The following SNX10 variants were observed in gnomAD, a reference collection of about 807,000 sequenced individuals.
The protein encoded by SNX10 is sorting nexin 10, also known as sorting nexin-10.
SNX10 carries 25 observed loss-of-function variants against 28.5 expected under a neutral mutation model. That is an observed-to-expected ratio of 0.88 (90% CI 0.64 to 1.22). The LOEUF (loss-of-function observed/expected upper bound fraction) is 1.22. Ranked by LOEUF, SNX10 falls within the 50% of genes most tolerant of loss-of-function variation. The pLI is 0.00. For missense variants in SNX10, 223 were observed against 242.6 expected, an observed-to-expected ratio of 0.92 and a Z score of 0.54; for synonymous variants, 62 against 81.4, an observed-to-expected ratio of 0.76 and a Z score of 1.28.
chr7:26,329,805 G>A (rs1007504444), intron 1 of SNX10, among the ~76,000 whole-genome samples: 1 of 152,186 alleles, frequency 6.6e-6, no homozygotes, highest in African/African-American at 2.4e-5. Flanking sequence ...AGTGGTGGGC[G>A]GCACAGGAGA....
intron 2 of SNX10, among the ~76,000 whole-genome samples, chr7:26,349,794 C>T (rs904091370): frequency 6.6e-5 from 10 of 152,140 alleles, no homozygotes; most frequent in African/African-American, 1.7e-4. Flanking sequence ...TTTTTATATT[C>T]GAATGTCCAG....
At chr7:26,338,139 CAG>C (rs1197884256) in intron 1 of SNX10, among the ~76,000 whole-genome samples, 1 of 128,956 alleles carries the variant, frequency 7.8e-6, no homozygotes, top group Non-Finnish European at 1.6e-5. Flanking sequence ...TTCTGTGAGA[CAG>C]AGTCTTACTC....
At chr7:26,336,238 C>T (rs73283397) in intron 1 of SNX10, among the ~76,000 whole-genome samples, 3,892 of 151,968 alleles carry the variant, frequency 0.026, 149 homozygotes, top group African/African-American at 0.089. Flanking sequence ...TAAACTTTAA[C>T]AAATGCACTG....
At chr7:26,344,806 G>C (rs1369624894) in intron 1 of SNX10, among the ~76,000 whole-genome samples, 1 of 152,162 alleles carries the variant, frequency 6.6e-6, no homozygotes, top group Non-Finnish European at 1.5e-5. Flanking sequence ...GTCCCCTCTT[G>C]ACTAGCTTCT....
chr7:26,359,493 C>G (rs1418825188), intron 2 of SNX10, among the ~76,000 whole-genome samples: 2 of 151,974 alleles, frequency 1.3e-5, no homozygotes, highest in African/African-American at 4.8e-5. Flanking sequence ...AACTCCCAAT[C>G]TTATCAAAAA....
intron 1 of SNX10, among the ~76,000 whole-genome samples, chr7:26,293,531 G>C (rs1786004076): frequency 6.6e-6 from 1 of 152,040 alleles, no homozygotes; most frequent in Non-Finnish European, 1.5e-5. Flanking sequence ...TTAAAGGAAG[G>C]GTAGACTTGA....
chr7:26,358,563 G>A (rs563305734), intron 2 of SNX10, among the ~76,000 whole-genome samples: 3 of 152,032 alleles, frequency 2.0e-5, no homozygotes, highest in South Asian at 2.1e-4. Flanking sequence ...AACATAGCAA[G>A]ACCCCATCTC....
At chr7:26,355,592 C>A (rs1584161850) in intron 2 of SNX10, among the ~76,000 whole-genome samples, 1 of 152,104 alleles carries the variant, frequency 6.6e-6, no homozygotes, top group East Asian at 1.9e-4. Flanking sequence ...GTGCTAGTAC[C>A]ATGCTTGGTG....
At chr7:26,351,408 C>T (rs920035036) in intron 2 of SNX10, among the ~76,000 whole-genome samples, 1 of 152,162 alleles carries the variant, frequency 6.6e-6, no homozygotes, top group African/African-American at 2.4e-5. Context: ...AGGTAGCCTT[C>T]CTTCCAAAAA....
At chr7:26,351,331 T>G (rs570937743) in intron 2 of SNX10, among the ~76,000 whole-genome samples, 2 of 152,364 alleles carry the variant, frequency 1.3e-5, no homozygotes, top group African/African-American at 4.8e-5. Flanking sequence ...ACAGTGATGT[T>G]ATGTTGCTAG....
At chr7:26,352,995 T>C (rs1196692720) in intron 2 of SNX10, among the ~76,000 whole-genome samples, 2 of 152,182 alleles carry the variant, frequency 1.3e-5, no homozygotes, top group Non-Finnish European at 1.5e-5. Context: ...GAGGTTTTTT[T>C]TTTCTGCACT....
chr7:26,349,070 T>C (rs537136477), intron 2 of SNX10, among the ~76,000 whole-genome samples: 1 of 152,360 alleles, frequency 6.6e-6, no homozygotes, highest in South Asian at 2.1e-4. Flanking sequence ...CATATCCTAG[T>C]GTCTGGTTGT....
In SNX10 at chr7:26,365,097, G is replaced by T. The variant is rs764873244; in HGVS notation, c.263G>T (p.Arg88Leu). The change falls in exon 5 of 7, where the codon CGC becomes CTC. Residue 88 changes from arginine to leucine, a missense_variant. Coordinates refer to ENST00000338523, the MANE Select transcript of SNX10 (RefSeq NM_013322.3). ...SKNLFFNMNN[R>L]QHVDQRRQGL... ...AACCTGTTTTTCAACATGAACAATC[G>T]CCAGCACGTGGATCAGCGTCGCCAG... 6 of 1,613,206 alleles carry T rather than the reference G, an allele frequency of 3.7e-6. No individual in the cohort carries two copies. The highest frequency in any genetic ancestry group is 5.1e-6 in the Non-Finnish European group (6 of 1,179,252).
intron 1 of SNX10, among the ~76,000 whole-genome samples, chr7:26,346,168 G>A (rs546955607): frequency 3.5e-4 from 54 of 152,252 alleles, no homozygotes; most frequent in African/African-American, 1.1e-3. Flanking sequence ...CTGGCCTTGC[G>A]GTTTGAAGGT....
intron 3 of SNX10, among the ~76,000 whole-genome samples, chr7:26,361,846 G>A (rs556185583): frequency 1.3e-5 from 2 of 152,318 alleles, no homozygotes; most frequent in South Asian, 4.1e-4. Flanking sequence ...CCCTCAGGCT[G>A]TAGTTTATTG....
chr7:26,341,361 G>A (rs1788169866), intron 1 of SNX10, among the ~76,000 whole-genome samples: 1 of 152,092 alleles, frequency 6.6e-6, no homozygotes, highest in Non-Finnish European at 1.5e-5. Context: ...AGAATGGGTG[G>A]CCATCCAGGT....
chr7:26,368,628 G>A (rs956554401), intron 5 of SNX10, among the ~76,000 whole-genome samples: 1 of 151,976 alleles, frequency 6.6e-6, no homozygotes. Flanking sequence ...TCATGGTTTT[G>A]TATTTCTTCA....
chr7:26,335,357 T>C (rs962179500), intron 1 of SNX10, among the ~76,000 whole-genome samples: 1 of 152,230 alleles, frequency 6.6e-6, no homozygotes, highest in Admixed American at 6.5e-5. Flanking sequence ...GCCTCCATTC[T>C]TAAAGAACCA....
chr7:26,312,292 C>T (rs1185180116), intron 1 of SNX10, among the ~76,000 whole-genome samples: 1 of 152,084 alleles, frequency 6.6e-6, no homozygotes, highest in East Asian at 1.9e-4. Context: ...TCATAAAATT[C>T]ATTATCTAAT....
Sources: allele counts gnomAD v4.1 joint callset (sites outside exome capture counted in the v4.1 genomes callset), GRCh38; gene constraint gnomAD v4.1.1; transcripts MANE v1.5; gene names NCBI Gene and HGNC (gene_info 2026-07-23, HGNC 2026-07-21).